The following CES4A variants were observed in gnomAD, a reference collection of about 807,000 sequenced individuals.
CES4A encodes the protein carboxylesterase 6.
A neutral mutation model predicts 65.4 loss-of-function variants in CES4A; 48 were observed. The observed-to-expected ratio is 0.73, with a 90% CI of 0.58 to 0.93. The LOEUF (loss-of-function observed/expected upper bound fraction) is 0.93, where lower values mean the gene tolerates loss of function less well. Ranked by LOEUF, CES4A falls within the 40% of genes least tolerant of loss-of-function variation. The pLI, the probability that CES4A is intolerant of heterozygous loss-of-function variation, is 0.00. For missense variants in CES4A, 685 were observed against 728.5 expected, an observed-to-expected ratio of 0.94 and a Z score of 0.69; for synonymous variants, 247 against 281.8, an observed-to-expected ratio of 0.88 and a Z score of 1.24.
At chr16:67,006,588 T>A (rs1328381339) in intron 12 of CES4A, 69 bp downstream of exon 12, 2 of 1,566,074 alleles carry the variant, frequency 1.3e-6, no homozygotes, top group Non-Finnish European at 1.7e-6. Flanking sequence ...GACCCACCCC[T>A]CCATTGGCTG....
chr16:66,998,124 CT>C (rs1965004523), intron 2 of CES4A, among the ~76,000 whole-genome samples: 1 of 151,794 alleles, frequency 6.6e-6, no homozygotes, highest in South Asian at 2.1e-4. Context: ...TGTGAAGCCC[CT>C]GGGCCTGGAT....
chr16:67,001,340 G>C lies in CES4A; in HGVS notation c.569G>C (p.Gly190Ala), dbSNP rs1567581855. 5 of 1,612,706 alleles carry C rather than the reference G, an allele frequency of 3.1e-6. No homozygotes were observed. The South Asian group carries it at 3.3e-5, about 11-fold the overall frequency. ...GACAGCCACGCGCGCGGGAACTGGG[G>C]GCTGCTGGACCAGATGGCGGCTCTG... Residue 190 changes from glycine (G) to alanine (A), a missense_variant, in exon 5 of 14, where the codon GGG becomes GCG. By Grantham distance (60) the Gly-to-Ala change is moderately conservative (BLOSUM62 0). Transcript: ENST00000648724. The surrounding 1 kb of genome is among the most constrained non-coding windows in gnomAD (Gnocchi z 4.1).
chr16:67,009,026 A>G (rs1451392014), exon 14 of CES4A: 2 of 1,614,204 alleles, frequency 1.2e-6, no homozygotes, highest in Middle Eastern at 1.6e-4. Context: ...CAAGGATGAA[A>G]AGTACCTGCA....
At position 67,001,885 on chromosome 16, in the gene CES4A, G is replaced by A. The variant is rs1445112731; in HGVS notation, c.690+424G>A. 6.6e-6 allele frequency among the ~76,000 whole-genome samples: 1 copy of A among 152,260 alleles called. No individual in the cohort carries two copies. The highest frequency in any genetic ancestry group is 2.4e-5 in the African/African-American group (1 of 41,454). On this transcript the variant is annotated intron_variant, in intron 5 of 13. Transcript: ENST00000648724. The surrounding 1 kb of genome is among the most constrained non-coding windows in gnomAD (Gnocchi z 4.1). Reference sequence around the variant, plus strand: ...CTGTGTGACTGCTGACCTGGGATGTGCCTGGAATGTGGGTGTACTGTAAGG... The same window carrying A: ...CTGTGTGACTGCTGACCTGGGATGTACCTGGAATGTGGGTGTACTGTAAGG...
chr16:66,995,956 G>A (rs1269943958), intron 2 of CES4A, 127 bp downstream of exon 2: 2 of 897,518 alleles, frequency 2.2e-6, no homozygotes, highest in African/African-American at 3.3e-5. Context: ...GCCCATTCTG[G>A]GCCTCAGTTT....
At position 67,001,260 on chromosome 16, in the gene CES4A, C is replaced by T; in HGVS notation, c.537-48C>T. On this transcript the variant is annotated intron_variant, in intron 4 of 13. Transcript: ENST00000648724. The surrounding 1 kb of genome is among the most constrained non-coding windows in gnomAD (Gnocchi z 4.1). ...AGCCCAGGAGGGCAGCCCAACGCGC[C>T]CCGACTGTCGAGGCCCGGGACCCTG... 1 of 1,533,754 alleles carries T rather than the reference C, an allele frequency of 6.5e-7. No individual in the cohort carries two copies.
Position 67,001,066 on chromosome 16 carries a change from GCCT to G in CES4A, c.536+77_536+79del. 1 of 934,564 alleles carries G rather than the reference GCCT, an allele frequency of 1.1e-6. No homozygotes were observed. 57.9% of individuals were successfully genotyped at this position (934,564 alleles called of 1,614,324 possible). ...GACTGGGTGGGAAGGGAGGGGCGGG[GCCT>G]GGGGCGGGGATGGGGGGGGTGGGGC... On this transcript the variant is annotated intron_variant, in intron 4 of 13. Coordinates refer to ENST00000648724, the Ensembl canonical transcript of CES4A. The surrounding 1 kb of genome is among the most constrained non-coding windows in gnomAD (Gnocchi z 4.1).
In CES4A at chr16:67,003,979, A is replaced by G; in HGVS notation, c.940-105A>G. ...CCATGCCAGCCCCAGCCTTTTCCCA[A>G]TCAAAGAACCTAGGCTAGAGCAGCC... On this transcript the variant is annotated intron_variant, in intron 8 of 13. Coordinates refer to ENST00000648724, the Ensembl canonical transcript of CES4A. This position sits in a 1 kb window ranked among gnomAD's most constrained non-coding sequence, Gnocchi z 4.2. 8.2e-7 allele frequency: 1 copy of G among 1,225,058 alleles called. No individual in the cohort carries two copies. Among genetic ancestry groups the G allele is most frequent in the Non-Finnish European group, 1.2e-6 (1 of 854,364 alleles). 75.9% of individuals were successfully genotyped at this position (1,225,058 alleles called of 1,614,324 possible).
At chr16:66,990,641 G>A (rs748849515) in intron 1 of CES4A, among the ~76,000 whole-genome samples, 3 of 152,132 alleles carry the variant, frequency 2.0e-5, no homozygotes, top group Admixed American at 6.6e-5. Context: ...GGAGGCTGTA[G>A]TGAGCTATGA....
Position 67,000,549 on chromosome 16 carries a change from T to G in CES4A, c.261-89T>G. Reference sequence around the variant, plus strand: ...CACACGCACGCGCACAGACGCTGCCTGGATTTTGCTTTGGGTTCCGTCTTC... The same window carrying G: ...CACACGCACGCGCACAGACGCTGCCGGGATTTTGCTTTGGGTTCCGTCTTC... On this transcript the variant is annotated intron_variant, in intron 2 of 13. Transcript: ENST00000648724. This position sits in a 1 kb window ranked among gnomAD's most constrained non-coding sequence, Gnocchi z 4.2. 1 of 1,481,364 alleles carries G rather than the reference T, an allele frequency of 6.8e-7. No individual in the cohort carries two copies. The allele number at this position is 1,481,364 out of a possible 1,614,324, so 91.8% of individuals were successfully genotyped here.
At chr16:67,008,622 G>A (rs1043375993) in intron 13 of CES4A, 3 of 190,496 alleles carry the variant, frequency 1.6e-5, no homozygotes, top group Admixed American at 1.1e-4. Context: ...GGATGGTCTC[G>A]ATCTCCTGAC....
chr16:67,009,462 C>G (rs1157210613), exon 14 of CES4A: 1 of 233,974 alleles, frequency 4.3e-6, no homozygotes, highest in Non-Finnish European at 8.4e-6. Context: ...CAAATCCTCC[C>G]ACCCTTCAAT....
exon 12 of CES4A, chr16:67,006,444 A>C: frequency 3.3e-6 from 5 of 1,536,608 alleles, no homozygotes; most frequent in Non-Finnish European, 4.4e-6. Flanking sequence ...TCGTGGAATA[A>C]TCGTCAAACC....
intron 2 of CES4A, among the ~76,000 whole-genome samples, chr16:66,998,674 C>T (rs1215709532): frequency 6.6e-6 from 1 of 152,068 alleles, no homozygotes; most frequent in Non-Finnish European, 1.5e-5. Context: ...CGAGACCAGC[C>T]TGACCAACAT....
Position 67,001,002 on chromosome 16 carries a change from G to A in CES4A, c.536+12G>A. The A allele has an allele frequency of 6.2e-7, 1 of 1,608,992 alleles. No homozygotes were observed. Among genetic ancestry groups the A allele is most frequent in the Non-Finnish European group, 8.5e-7 (1 of 1,177,544 alleles). On this transcript the variant is annotated intron_variant, in intron 4 of 13. Transcript: ENST00000648724. The surrounding 1 kb of genome is among the most constrained non-coding windows in gnomAD (Gnocchi z 4.1). ...TTCGGCTTCCTGAGGTGGCGGGGCC[G>A]GTACCCTTTGGGACCGCAGCTGTGG... is the stretch of plus-strand genomic sequence containing the variant.
intron 1 of CES4A, 27 bp from the exon 2 acceptor site, chr16:66,995,601 G>A (rs746350982): frequency 1.9e-6 from 3 of 1,601,720 alleles, no homozygotes; most frequent in Non-Finnish European, 2.6e-6. Context: ...ACTGAGCAGA[G>A]GTGACCCTTT....
Position 67,000,711 on chromosome 16 carries a change from T to A in CES4A, c.334T>A (p.Phe112Ile). The change falls in exon 3 of 14, where the codon TTC becomes ATC. Residue 112 changes from phenylalanine (F) to isoleucine (I), a missense_variant. Transcript: ENST00000648724. This position sits in a 1 kb window ranked among gnomAD's most constrained non-coding sequence, Gnocchi z 4.2. ...GCGGGAACGGTACAAGTGGCTGCGC[T>A]TCAGCGAGGACTGTCTGTACCTGAA... 6.4e-7 allele frequency: 1 copy of A among 1,550,408 alleles called. No individual in the cohort carries two copies. Among genetic ancestry groups the A allele is most frequent in the Admixed American group, 2.0e-5 (1 of 51,098 alleles).
chr16:67,004,131 T>G, exon 9 of CES4A: 1 of 1,614,186 alleles, frequency 6.2e-7, no homozygotes, highest in Non-Finnish European at 8.5e-7. Context: ...TGATCCCAGA[T>G]GACCCTTTGG....
At chr16:66,995,875 G>C (rs1369454063) in intron 2 of CES4A, 46 bp downstream of exon 2, 2 of 1,543,946 alleles carry the variant, frequency 1.3e-6, no homozygotes, top group Non-Finnish European at 1.8e-6. Context: ...ATGGGCCTAT[G>C]CCTGCATCTG....
Sources: gnomAD v4.1 joint callset for allele counts (sites outside exome capture counted in the v4.1 genomes callset) on GRCh38, gnomAD v4.1.1 for gene constraint, Gnocchi (gnomAD v3.1) non-coding constraint, MANE v1.5 for transcripts, NCBI Gene and HGNC (gene_info 2026-07-23, HGNC 2026-07-21) for gene names.